The following SDK1 variants were observed in gnomAD, a reference collection of about 807,000 sequenced individuals.
SDK1 encodes the protein protein sidekick-1.
A neutral mutation model predicts 245.5 loss-of-function variants in SDK1; 157 were observed. The observed-to-expected ratio is 0.64, with a 90% CI of 0.56 to 0.73. SDK1 has a LOEUF of 0.73. Among genes scored for constraint, SDK1 ranks in the 30% least tolerant of loss-of-function variants. The pLI is 0.00. For synonymous variants in SDK1, 1,647 were observed against 1,278.5 expected (o/e 1.29, Z -6.15); for missense variants, 3,583 against 3,002.3 (o/e 1.19, Z -4.52).
intron 1 of SDK1, among the ~76,000 whole-genome samples, chr7:3,582,258 G>GCCTCAGGTAGGTCTC (rs1562579689): frequency 4.1e-4 from 58 of 142,102 alleles, no homozygotes; most frequent in African/African-American, 1.5e-3. Flanking sequence ...AGGTAGGTCT[G>GCCTCAGGTAGGTCTC]CCTCAGGTAG....
At chr7:3,818,450 G>A (rs1779562876) in intron 4 of SDK1, among the ~76,000 whole-genome samples, 2 of 152,150 alleles carry the variant, frequency 1.3e-5, no homozygotes, top group African/African-American at 2.4e-5. Flanking sequence ...TTAAAAGGTA[G>A]AATCAAAAGG....
At chr7:4,229,651 C>G (rs766807652) in intron 40 of SDK1, among the ~76,000 whole-genome samples, 1 of 152,034 alleles carries the variant, frequency 6.6e-6, no homozygotes, top group Non-Finnish European at 1.5e-5. Context: ...GAATCCACTC[C>G]GGAGGTGTTC....
intron 4 of SDK1, among the ~76,000 whole-genome samples, chr7:3,802,281 T>C (rs567942713): frequency 2.0e-5 from 3 of 152,264 alleles, no homozygotes; most frequent in Non-Finnish European, 4.4e-5. Flanking sequence ...CCCAGCACTT[T>C]GGGAGGCCGA....
rs563162258 is a variant in SDK1 at position 3,529,548 on chromosome 7, TTTG to T, written c.299-89508_299-89506del. ...TTAAATAAATGGGAGAGAAGCAAAG[TTTG>T]TTGTTGTTGTTGTTGTTGTTGTTTA... On this transcript the variant is annotated intron_variant, in intron 1 of 44. Transcript: ENST00000404826. Among the ~76,000 whole-genome samples, 1,027 of 151,480 alleles carry T rather than the reference TTTG, an allele frequency of 6.8e-3. 10 individuals carry two copies. Among genetic ancestry groups the T allele is most frequent in the African/African-American group, 0.021 (852 of 41,272 alleles).
At chr7:3,808,355 C>A (rs1446892030) in intron 4 of SDK1, among the ~76,000 whole-genome samples, 5 of 152,154 alleles carry the variant, frequency 3.3e-5, no homozygotes, top group African/African-American at 1.2e-4. Flanking sequence ...GGAGGTATGT[C>A]CAAAGCCAGC....
chr7:3,777,485 A>G (rs112994900), intron 4 of SDK1, among the ~76,000 whole-genome samples: 2,058 of 152,290 alleles, frequency 0.014, 38 homozygotes, highest in Non-Finnish European at 0.013. Context: ...GGAATTAGCC[A>G]ACCTGTGGCT....
intron 14 of SDK1, among the ~76,000 whole-genome samples, chr7:4,004,116 C>A (rs55809129): frequency 5.3e-5 from 8 of 152,056 alleles, no homozygotes; most frequent in Admixed American, 3.9e-4. Context: ...ACACATACAG[C>A]CATCAGCAGT....
At chr7:3,329,342 C>T (rs9969270) in intron 1 of SDK1, among the ~76,000 whole-genome samples, 91,218 of 151,928 alleles carry the variant, frequency 0.6, 28,330 homozygotes, top group African/African-American at 0.78. Flanking sequence ...TCCTTTTTCA[C>T]ATACTTTTTT....
chr7:4,203,793 A>G (rs939967822), intron 35 of SDK1, among the ~76,000 whole-genome samples: 5 of 152,266 alleles, frequency 3.3e-5, no homozygotes, highest in African/African-American at 1.2e-4. Context: ...CAGCGTTGAC[A>G]TATATTTCTC....
intron 4 of SDK1, among the ~76,000 whole-genome samples, chr7:3,772,409 T>C (rs1364827800): frequency 1.3e-5 from 2 of 152,176 alleles, no homozygotes; most frequent in African/African-American, 4.8e-5. Flanking sequence ...TGTTTTCAGT[T>C]GTTGATGTCA....
rs181395465 is a variant in SDK1 at position 3,504,288 on chromosome 7, T to C, written c.299-114792T>C. Among the ~76,000 whole-genome samples the C allele has an allele frequency of 5.6e-3, 844 of 151,490 alleles. 3 individuals are homozygous for C. Among genetic ancestry groups the C allele is most frequent in the Non-Finnish European group, 9.0e-3 (608 of 67,918 alleles). ...GTCGTTGTTGTTGTTGTTGTTGTTG[T>C]TGTTGCAGAATTTGACCAGCTGATC... On this transcript the variant is annotated intron_variant, in intron 1 of 44. Transcript: ENST00000404826.
intron 5 of SDK1, among the ~76,000 whole-genome samples, chr7:3,833,563 A>G (rs1304130045): frequency 6.6e-6 from 1 of 152,222 alleles, no homozygotes; most frequent in East Asian, 1.9e-4. Context: ...TTATATCCTC[A>G]TTAGTCAGAA....
intron 1 of SDK1, among the ~76,000 whole-genome samples, chr7:3,331,951 C>A (rs73672091): frequency 0.16 from 24,724 of 152,138 alleles, 1,978 homozygotes; most frequent in South Asian, 0.22. Context: ...TTACTGCTTA[C>A]TTTACAGGTA....
intron 1 of SDK1, among the ~76,000 whole-genome samples, chr7:3,453,132 C>G (rs982191420): frequency 8.6e-5 from 13 of 150,862 alleles, no homozygotes; most frequent in Non-Finnish European, 1.6e-4. Context: ...GCAGTTTAAC[C>G]CCCCCCGGTT....
At chr7:3,609,200 G>A (rs1198437227) in intron 1 of SDK1, among the ~76,000 whole-genome samples, 2 of 152,120 alleles carry the variant, frequency 1.3e-5, no homozygotes, top group South Asian at 4.1e-4. Context: ...AATACAGAAA[G>A]AAATAAGTCA....
Position 4,149,240 on chromosome 7 carries a change from G to A in SDK1, c.4424-22G>A, listed in dbSNP as rs762389424. The stretch of plus-strand genomic sequence containing the variant: ...AAGGGCAGCCTCTCACATGTCCCTG[G>A]TCTGTCCTCATTTGGTTGCAGAGCG... On this transcript the variant is annotated intron_variant, in intron 29 of 44. Transcript: ENST00000404826. 2.7e-6 allele frequency: 4 copies of A among 1,488,952 alleles called. No individual in the cohort carries two copies. The East Asian group carries it at 7.6e-5, about 28-fold the overall frequency. 92.2% of individuals were successfully genotyped at this position (1,488,952 alleles called of 1,614,324 possible).
At chr7:4,038,579 G>A (rs747341077) in intron 17 of SDK1, among the ~76,000 whole-genome samples, 3 of 152,282 alleles carry the variant, frequency 2.0e-5, no homozygotes, top group African/African-American at 7.2e-5. Context: ...GGTATTATTC[G>A]AAAGCGGTAC....
intron 40 of SDK1, among the ~76,000 whole-genome samples, chr7:4,230,039 A>AAG (rs1785649975): frequency 3.0e-5 from 2 of 66,640 alleles, no homozygotes; most frequent in South Asian, 9.7e-4. Flanking sequence ...AGGGGGACCC[A>AAG]GAAGGAAGGA....
At chr7:4,167,573 G>T (rs1471311198) in intron 32 of SDK1, among the ~76,000 whole-genome samples, 1 of 152,246 alleles carries the variant, frequency 6.6e-6, no homozygotes, top group Non-Finnish European at 1.5e-5. Context: ...AAGCCAGGGT[G>T]CAGTGACACA....
Sources: allele counts gnomAD v4.1 joint callset (sites outside exome capture counted in the v4.1 genomes callset), GRCh38; gene constraint gnomAD v4.1.1; transcripts MANE v1.5; gene names NCBI Gene and HGNC (gene_info 2026-07-23, HGNC 2026-07-21).